CDT1: variants seen among roughly 807,000 people sequenced by gnomAD.
The protein encoded by CDT1 is chromatin licensing and DNA replication factor 1.
Under a neutral mutation model 49.3 loss-of-function variants are expected in CDT1, and 66 were observed. That is an observed-to-expected ratio of 1.34 (90% CI 1.10 to 1.64). The LOEUF is 1.64. CDT1 is among the 40% of genes most tolerant of loss of function. The pLI is 0.00. For missense variants in CDT1, 958 were observed against 807.7 expected (o/e 1.19, Z -2.26); for synonymous variants, 424 against 347.4 (o/e 1.22, Z -2.45).
chr16:88,806,762 G>A (rs1908873261), intron 7 of CDT1, 88 bp downstream of exon 7: 16 of 1,481,872 alleles, frequency 1.1e-5, no homozygotes, highest in Non-Finnish European at 1.5e-5. Context: ...CCTTGGTGAT[G>A]AGCTTGACGC....
intron 3 of CDT1, 119 bp downstream of exon 3, chr16:88,805,017 C>T (rs941823006): frequency 7.4e-7 from 1 of 1,356,246 alleles, no homozygotes; most frequent in Admixed American, 2.5e-5. Context: ...GTGGTGAGGT[C>T]ACCAGGGCGC....
Position 88,805,489 on chromosome 16 carries a change from G to C in CDT1, c.538G>C (p.Gly180Arg), listed in dbSNP as rs778663120. 1 of 1,612,736 alleles carries C rather than the reference G, an allele frequency of 6.2e-7. No individual in the cohort carries two copies. The highest frequency in any genetic ancestry group is 1.3e-5 in the African/African-American group (1 of 74,944). Residue 180 changes from glycine to arginine, a missense_variant, in exon 4 of 10, where the codon GGC (glycine) becomes CGC (arginine). Physicochemically the swap from Gly to Arg is moderately radical, Grantham distance 125. Coordinates refer to ENST00000301019, the MANE Select transcript of CDT1 (RefSeq NM_030928.4). ...YQRFHALAQP[G>R]LPGLVLPYKY... Reference sequence around the variant, plus strand: ...GCGCTTCCATGCCCTGGCCCAGCCCGGCCTGCCGGGACTCGTGCTGCCCTA... The same window carrying C: ...GCGCTTCCATGCCCTGGCCCAGCCCCGCCTGCCGGGACTCGTGCTGCCCTA...
Position 88,803,794 on chromosome 16 carries a change from T to G in CDT1, c.-38T>G. ...GGAACCGCGCCCGCCTCTTCCTCCC[T>G]TCCTTCTTTCCTTGCTTTCGCCGCG... is the stretch of plus-strand genomic sequence containing the variant. On this transcript the variant is annotated 5_prime_UTR_variant, in exon 1 of 10. Coordinates refer to ENST00000301019, the MANE Select transcript of CDT1 (RefSeq NM_030928.4). The G allele has an allele frequency of 6.8e-7, 1 of 1,467,310 alleles. No individual in the cohort carries two copies. The highest frequency in any genetic ancestry group is 9.1e-7 in the Non-Finnish European group (1 of 1,094,148). 90.9% of individuals were successfully genotyped at this position (1,467,310 alleles called of 1,614,324 possible).
chr16:88,803,797 C>G lies in CDT1; in HGVS notation c.-35C>G. ...ACCGCGCCCGCCTCTTCCTCCCTTCCTTCTTTCCTTGCTTTCGCCGCGCAC... is the reference window on the plus strand; with the variant it reads ...ACCGCGCCCGCCTCTTCCTCCCTTCGTTCTTTCCTTGCTTTCGCCGCGCAC... On this transcript the variant is annotated 5_prime_UTR_variant, in exon 1 of 10. Transcript: ENST00000301019. 6.7e-7 allele frequency: 1 copy of G among 1,486,980 alleles called. No homozygotes were observed. The highest frequency in any genetic ancestry group is 9.0e-7 in the Non-Finnish European group (1 of 1,108,934). 92.1% of individuals were successfully genotyped at this position (1,486,980 alleles called of 1,614,324 possible).
rs773890395 is a variant in CDT1 at position 88,804,624 on chromosome 16, C to T, written c.308C>T (p.Pro103Leu). The T allele has an allele frequency of 2.5e-6, 4 of 1,612,616 alleles. No homozygotes were observed. The highest frequency in any genetic ancestry group is 1.7e-5 in the Admixed American group (1 of 59,996). The change falls in exon 2 of 10, where the codon CCG (proline) becomes CTG (leucine). Residue 103 changes from proline to leucine, a missense_variant. Transcript: ENST00000301019. ...GGCCAGAAGATAAAGAAATCCACCC[C>T]GGCAGCAGGTCAGCCGCCCCACCTG... is the stretch of plus-strand genomic sequence containing the variant. ...SPGQKIKKST[P>L]AAGQPPHLTS...
rs1597507374 is a variant in CDT1 at position 88,808,478 on chromosome 16, G to C, written c.*200G>C. The C allele has an allele frequency of 1.8e-5, 11 of 621,166 alleles. No individual in the cohort carries two copies. The highest frequency in any genetic ancestry group is 3.1e-5 in the Non-Finnish European group (11 of 358,232). 38.5% of individuals were successfully genotyped at this position (621,166 alleles called of 1,614,324 possible). The stretch of plus-strand genomic sequence containing the variant: ...GTGGGCCCCTTCATGGGGCTCACCT[G>C]GTGGATTCACATTAAACCGGTTTCT... On this transcript the variant is annotated 3_prime_UTR_variant, in exon 10 of 10. Transcript: ENST00000301019.
In CDT1 at chr16:88,805,455, C is replaced by T. The variant is rs534417526; in HGVS notation, c.504C>T (p.Pro168=). The T allele has an allele frequency of 1.2e-5, 19 of 1,612,686 alleles. No individual in the cohort carries two copies. The highest frequency in any genetic ancestry group is 6.7e-5 in the Admixed American group (4 of 60,016). ...TCCCTGACAGTGGCGAGAAGGCGCCCGCCTACCAGCGCTTCCATGCCCTGG... is the reference window on the plus strand; with the variant it reads ...TCCCTGACAGTGGCGAGAAGGCGCCTGCCTACCAGCGCTTCCATGCCCTGG... ...RPEEPCGEKA[P]AYQRFHALAQ... The change falls in exon 4 of 10, where the codon CCC becomes CCT. Residue 168 remains proline, a synonymous_variant. Transcript: ENST00000301019.
chr16:88,806,833 C>T lies in CDT1; in HGVS notation c.1122+159C>T, dbSNP rs11640595. On this transcript the variant is annotated intron_variant, in intron 7 of 9. Transcript: ENST00000301019. Reference sequence around the variant, plus strand: ...GAGTTGGTGGCATTTGCCCTCTGTCCCCAGCTGCAGCCTCTAAGCCTGGCT... The same window carrying T: ...GAGTTGGTGGCATTTGCCCTCTGTCTCCAGCTGCAGCCTCTAAGCCTGGCT... Among the ~76,000 whole-genome samples, 2,657 of 152,374 alleles carry T rather than the reference C, an allele frequency of 0.017. 30 individuals are homozygous for T. Among genetic ancestry groups the T allele is most frequent in the Non-Finnish European group, 0.031 (2,081 of 68,038 alleles).
Position 88,807,103 on chromosome 16 carries a change from C to G in CDT1, c.1175C>G (p.Pro392Arg), listed in dbSNP as rs1055670587. The G allele has an allele frequency of 3.1e-6, 5 of 1,612,708 alleles. No individual in the cohort carries two copies. Among genetic ancestry groups the G allele is most frequent in the Admixed American group, 1.7e-5 (1 of 60,012 alleles). Residue 392 changes from proline (P) to arginine (R), a missense_variant, in exon 8 of 10, where the codon CCC (proline) becomes CGC (arginine). Physicochemically the swap from Pro to Arg is moderately radical, Grantham distance 103 (BLOSUM62 -2). Coordinates refer to ENST00000301019, the MANE Select transcript of CDT1 (RefSeq NM_030928.4). The part of the protein sequence containing the change: ...LALRSAAPSS[P>R]GSPRPALPAT... ...CTGCGCTCTGCTGCGCCCAGCAGCC[C>G]CGGGTCTCCCAGGCCAGCACTGCCG...
At chr16:88,804,414 G>T (rs1597504070) in intron 1 of CDT1, 131 bp from the exon 2 acceptor site, 3 of 1,184,750 alleles carry the variant, frequency 2.5e-6, no homozygotes, top group Non-Finnish European at 3.6e-6. Context: ...CACCATCTAC[G>T]GGAAGTCCTA....
rs766599974 is a variant in CDT1, at chr16:88,804,525, C to G, written c.229-20C>G. 3 of 1,610,390 alleles carry G rather than the reference C, an allele frequency of 1.9e-6. No homozygotes were observed. The highest frequency in any genetic ancestry group is 1.1e-5 in the South Asian group (1 of 90,620). On this transcript the variant is annotated intron_variant, in intron 1 of 9. Coordinates refer to ENST00000301019, the MANE Select transcript of CDT1 (RefSeq NM_030928.4). ...CACCAGGTCTTGTCATGAGTTCACC[C>G]TTGGGGTCCCTCCCACCAGGTTTCC...
At chr16:88,807,541 C>T in intron 9 of CDT1, 59 bp downstream of exon 9, 4 of 1,488,154 alleles carry the variant, frequency 2.7e-6, no homozygotes, top group African/African-American at 1.4e-5. Context: ...GCTGCAGCTG[C>T]CTCCCCAGCT....
At chr16:88,807,014 C>G (rs78977560) in intron 7 of CDT1, 37 bp from the exon 8 acceptor site, 1 of 1,612,628 alleles carries the variant, frequency 6.2e-7, no homozygotes, top group Non-Finnish European at 8.5e-7. Context: ...CACGTTGCAT[C>G]TTGTGACCTC....
Position 88,808,578 on chromosome 16 carries a change from G to A in CDT1, c.*300G>A, listed in dbSNP as rs1222104019. Reference sequence around the variant, plus strand: ...CACCCCCTGGGGGGCCATCGGGAGTGTGGCTGGGGGTGAAGGGGGCTCTGT... The same window carrying A: ...CACCCCCTGGGGGGCCATCGGGAGTATGGCTGGGGGTGAAGGGGGCTCTGT... On this transcript the variant is annotated 3_prime_UTR_variant, in exon 10 of 10. Coordinates refer to ENST00000301019, the MANE Select transcript of CDT1 (RefSeq NM_030928.4). The A allele has an allele frequency of 1.5e-5, 7 of 470,280 alleles. No individual in the cohort carries two copies. In the East Asian group the frequency reaches 1.6e-4, roughly 11 times the overall value. 29.1% of individuals were successfully genotyped at this position (470,280 alleles called of 1,614,324 possible). A position where few individuals can be genotyped will look rare whatever the true frequency, so the allele number is the denominator to read the frequency against.
At chr16:88,806,958 T>C (rs1027684622) in intron 7 of CDT1, 93 bp from the exon 8 acceptor site, 3 of 1,519,686 alleles carry the variant, frequency 2.0e-6, no homozygotes, top group African/African-American at 2.7e-5. Flanking sequence ...CTGGGTGAAC[T>C]TGTGCCTTGA....
chr16:88,806,938 A>G, intron 7 of CDT1, 113 bp from the exon 8 acceptor site: 1 of 1,425,006 alleles, frequency 7.0e-7, no homozygotes, highest in African/African-American at 1.4e-5. Context: ...GGCACAGACC[A>G]CCCAGTGTGC....
At position 88,807,105 on chromosome 16, in the gene CDT1, G is replaced by C; in HGVS notation, c.1177G>C (p.Gly393Arg). 1 of 1,612,782 alleles carries C rather than the reference G, an allele frequency of 6.2e-7. No individual in the cohort carries two copies. Among genetic ancestry groups the C allele is most frequent in the East Asian group, 2.2e-5 (1 of 44,880 alleles). The change falls in exon 8 of 10, where the codon GGG becomes CGG. Residue 393 changes from glycine (G) to arginine (R), a missense_variant. By Grantham distance (125) the Gly-to-Arg change is moderately radical (BLOSUM62 -2). Transcript: ENST00000301019. The stretch of plus-strand genomic sequence containing the variant: ...GCGCTCTGCTGCGCCCAGCAGCCCC[G>C]GGTCTCCCAGGCCAGCACTGCCGGC... ...ALRSAAPSSP[G>R]SPRPALPATP...
intron 3 of CDT1, 126 bp from the exon 4 acceptor site, chr16:88,805,314 G>A (rs1388027963): frequency 2.6e-6 from 3 of 1,141,220 alleles, no homozygotes. Context: ...GTGTGCAAGG[G>A]CCGCGAAAGC....
chr16:88,804,977 G>C, intron 3 of CDT1, 79 bp downstream of exon 3: 2 of 1,509,542 alleles, frequency 1.3e-6, no homozygotes, highest in Non-Finnish European at 1.8e-6. Context: ...GCCTGTCAGA[G>C]GCCCAGGTCT....
Sources: allele counts gnomAD v4.1 joint callset (sites outside exome capture counted in the v4.1 genomes callset), GRCh38; gene constraint gnomAD v4.1.1; transcripts MANE v1.5; gene names NCBI Gene and HGNC (gene_info 2026-07-23, HGNC 2026-07-21).